PID1: variants seen among roughly 807,000 people sequenced by gnomAD.
PID1 encodes the protein PTB-containing, cubilin and LRP1-interacting protein.
PID1 carries 10 observed loss-of-function variants against 19.1 expected under a neutral mutation model. That is an observed-to-expected ratio of 0.52 (90% confidence interval 0.32 to 0.89). The LOEUF is 0.89. PID1 is among the 40% of genes least tolerant of loss of function. The probability of loss-of-function intolerance (pLI) is 0.03; values close to 1 mark genes in which losing one functional copy is unlikely to be tolerated. For missense variants in PID1, 248 were observed against 285.3 expected (o/e 0.87, Z 0.94); for synonymous variants, 130 against 116.0 (o/e 1.12, Z -0.78).
intron 2 of PID1, among the ~76,000 whole-genome samples, chr2:229,033,136 G>C (rs1377204931): frequency 6.6e-6 from 1 of 152,174 alleles, no homozygotes; most frequent in African/African-American, 2.4e-5. Flanking sequence ...ATTCTGGCCT[G>C]AGAAGCTGCT....
chr2:229,172,626 T>G (rs1313994918), intron 1 of PID1, among the ~76,000 whole-genome samples: 3 of 152,224 alleles, frequency 2.0e-5, no homozygotes, highest in Admixed American at 2.0e-4. Context: ...ACCCTAATGA[T>G]CTCATTGTAA....
At chr2:229,218,977 G>C (rs1691908128) in intron 1 of PID1, among the ~76,000 whole-genome samples, 1 of 152,070 alleles carries the variant, frequency 6.6e-6, no homozygotes, top group African/African-American at 2.4e-5. Context: ...CAAAGGTCAG[G>C]ATATGCTAAA....
intron 1 of PID1, among the ~76,000 whole-genome samples, chr2:229,210,422 C>G (rs1220447995): frequency 1.7e-4 from 8 of 47,296 alleles, no homozygotes; most frequent in African/African-American, 3.9e-4. Flanking sequence ...GTGAGGCAGG[C>G]AGCAGAATGG....
chr2:229,060,487 A>G (rs967576237), intron 2 of PID1, among the ~76,000 whole-genome samples: 9 of 152,170 alleles, frequency 5.9e-5, no homozygotes, highest in African/African-American at 2.2e-4. Context: ...TCCATTGTGC[A>G]TATATACCAC....
chr2:229,196,695 T>A (rs1462203979), intron 1 of PID1, among the ~76,000 whole-genome samples: 2 of 152,064 alleles, frequency 1.3e-5, no homozygotes, highest in Non-Finnish European at 2.9e-5. Context: ...AGACCTGGCT[T>A]AAAACCCCAG....
chr2:229,148,296 A>G (rs1383512211), intron 2 of PID1, among the ~76,000 whole-genome samples: 1 of 152,234 alleles, frequency 6.6e-6, no homozygotes, highest in Admixed American at 6.5e-5. Context: ...CATGTATAAT[A>G]TCCTTCCGCG....
intron 1 of PID1, among the ~76,000 whole-genome samples, chr2:229,192,183 T>C (rs781529669): frequency 1.3e-5 from 2 of 152,210 alleles, no homozygotes; most frequent in Non-Finnish European, 2.9e-5. Flanking sequence ...GCTCTTTCAA[T>C]ACACAACACG....
Position 229,208,866 on chromosome 2 carries a change from G to A in PID1, c.31-52902C>T, listed in dbSNP as rs572611994. Among the ~76,000 whole-genome samples the A allele has an allele frequency of 1.1e-4, 16 of 152,282 alleles. No individual in the cohort carries two copies. In the South Asian group the frequency reaches 3.3e-3, roughly 32 times the overall value. On this transcript the variant is annotated intron_variant, in intron 1 of 2. Coordinates refer to ENST00000392055, the MANE Select transcript of PID1 (RefSeq NM_001100818.2). ...CAGTGCTCTGGTTTCCAATCCTGGA[G>A]TCTCACAGTTAATGAAAATTAGAGA...
intron 1 of PID1, among the ~76,000 whole-genome samples, chr2:229,243,932 T>A (rs972147537): frequency 3.9e-5 from 6 of 152,236 alleles, no homozygotes; most frequent in South Asian, 4.1e-4. Flanking sequence ...TAAGTTTTTT[T>A]AAAAAATCAT....
At chr2:229,147,908 T>C (rs1363028935) in intron 2 of PID1, among the ~76,000 whole-genome samples, 3 of 152,106 alleles carry the variant, frequency 2.0e-5, no homozygotes, top group Non-Finnish European at 4.4e-5. Flanking sequence ...ATGGGGCACA[T>C]GGAAATAAGT....
At chr2:229,030,264 C>T (rs565074292) in intron 2 of PID1, among the ~76,000 whole-genome samples, 3 of 152,088 alleles carry the variant, frequency 2.0e-5, no homozygotes, top group Non-Finnish European at 4.4e-5. Flanking sequence ...GGGGGAGGGA[C>T]GAATGAGGAG....
chr2:229,068,001 C>T (rs958496458), intron 2 of PID1, among the ~76,000 whole-genome samples: 2 of 152,216 alleles, frequency 1.3e-5, no homozygotes, highest in Admixed American at 6.5e-5. Context: ...ACTCATGTAA[C>T]TTCCAGGGCT....
intron 1 of PID1, among the ~76,000 whole-genome samples, chr2:229,220,679 C>T (rs966617105): frequency 3.3e-4 from 50 of 152,198 alleles, no homozygotes; most frequent in African/African-American, 1.2e-3. Flanking sequence ...CATTGAACTT[C>T]TGTAAACTCA....
intron 2 of PID1, among the ~76,000 whole-genome samples, chr2:229,129,957 A>C (rs1689695182): frequency 6.6e-6 from 1 of 152,172 alleles, no homozygotes; most frequent in Admixed American, 6.5e-5. Context: ...ATTATAGCAA[A>C]GAAGCTATGA....
At chr2:229,204,413 T>G (rs1691562743) in intron 1 of PID1, among the ~76,000 whole-genome samples, 1 of 152,144 alleles carries the variant, frequency 6.6e-6, no homozygotes, top group African/African-American at 2.4e-5. Flanking sequence ...TGAAACATGG[T>G]AAAATGATCT....
chr2:229,159,907 A>G (rs1247883718), intron 1 of PID1, among the ~76,000 whole-genome samples: 1 of 152,160 alleles, frequency 6.6e-6, no homozygotes, highest in Admixed American at 6.5e-5. Context: ...AACAGGGGAC[A>G]GTGGTCTGGA....
intron 1 of PID1, among the ~76,000 whole-genome samples, chr2:229,178,812 G>A (rs1324588281): frequency 6.6e-6 from 1 of 152,078 alleles, no homozygotes; most frequent in African/African-American, 2.4e-5. Flanking sequence ...GTCTCTTGTG[G>A]TCTGGAGGAA....
chr2:229,226,311 G>C (rs1255179783), intron 1 of PID1, among the ~76,000 whole-genome samples: 2 of 152,184 alleles, frequency 1.3e-5, no homozygotes, highest in African/African-American at 4.8e-5. Flanking sequence ...TCCAGAATTG[G>C]TTTAACAGTT....
At chr2:229,160,462 GA>G (rs1690470521) in intron 1 of PID1, among the ~76,000 whole-genome samples, 1 of 152,152 alleles carries the variant, frequency 6.6e-6, no homozygotes, top group Non-Finnish European at 1.5e-5. Context: ...TAACTCTTCT[GA>G]GCTTGTCTTC....
Sources: gnomAD v4.1 joint callset for allele counts (sites outside exome capture counted in the v4.1 genomes callset) on GRCh38, gnomAD v4.1.1 for gene constraint, MANE v1.5 for transcripts, NCBI Gene and HGNC (gene_info 2026-07-23, HGNC 2026-07-21) for gene names.